The following CLNK variants were observed in gnomAD, a reference collection of about 807,000 sequenced individuals.
The protein encoded by CLNK is cytokine dependent hematopoietic cell linker.
Under a neutral mutation model 68.6 loss-of-function variants are expected in CLNK, and 74 were observed. That is an observed-to-expected ratio of 1.08 (90% CI 0.89 to 1.31). CLNK has a LOEUF of 1.31. Among genes scored for constraint, CLNK ranks in the 50% most tolerant of loss-of-function variants. The pLI is 0.00. For synonymous variants in CLNK, 198 were observed against 172.2 expected, an observed-to-expected ratio of 1.15 and a Z score of -1.17; for missense variants, 553 against 515.3, an observed-to-expected ratio of 1.07 and a Z score of -0.71.
At chr4:10,591,855 G>C (rs1321147774) in intron 3 of CLNK, among the ~76,000 whole-genome samples, 1 of 152,214 alleles carries the variant, frequency 6.6e-6, no homozygotes, top group East Asian at 1.9e-4. Context: ...CTTTCTAGAA[G>C]GCATTCCCTA....
chr4:10,659,559 C>A (rs571771707), intron 2 of CLNK, among the ~76,000 whole-genome samples: 1 of 152,200 alleles, frequency 6.6e-6, no homozygotes, highest in Non-Finnish European at 1.5e-5. Context: ...TTGACTTTAT[C>A]ATCTCCTTTC....
chr4:10,698,395 G>T, the CLNK span, among the ~76,000 whole-genome samples: 4 of 152,204 alleles, frequency 2.6e-5, no homozygotes, highest in Non-Finnish European at 5.9e-5. Context: ...CCATTATTAC[G>T]CCCTTAGTAA....
At chr4:10,723,302 C>T in the CLNK span, among the ~76,000 whole-genome samples, 6 of 152,158 alleles carry the variant, frequency 3.9e-5, no homozygotes, top group African/African-American at 1.4e-4. Context: ...TCTCTTGCCT[C>T]AGTAACACTT....
intron 4 of CLNK, among the ~76,000 whole-genome samples, chr4:10,581,928 A>G (rs1415611825): frequency 6.6e-6 from 1 of 152,176 alleles, no homozygotes; most frequent in Admixed American, 6.5e-5. Context: ...AATGGCCCAG[A>G]ACTACTTGAA....
chr4:10,492,749 G>T (rs751670732), intron 18 of CLNK, among the ~76,000 whole-genome samples: 1 of 152,180 alleles, frequency 6.6e-6, no homozygotes, highest in Admixed American at 6.5e-5. Flanking sequence ...CAGACACCAC[G>T]CTGGGGATAA....
At chr4:10,650,965 G>A (rs745523853) in intron 2 of CLNK, among the ~76,000 whole-genome samples, 3 of 152,072 alleles carry the variant, frequency 2.0e-5, no homozygotes, top group Non-Finnish European at 4.4e-5. Flanking sequence ...ATCATCACTG[G>A]TCCTTAGAGA....
chr4:10,672,363 G>C (rs1724681926), intron 1 of CLNK, among the ~76,000 whole-genome samples: 1 of 152,158 alleles, frequency 6.6e-6, no homozygotes, highest in Admixed American at 6.5e-5. Flanking sequence ...TGGGACAACT[G>C]TTTAACCATT....
At chr4:10,734,409 T>C in the CLNK span, among the ~76,000 whole-genome samples, 1 of 152,242 alleles carries the variant, frequency 6.6e-6, no homozygotes, top group African/African-American at 2.4e-5. Context: ...CCCAGCCGAA[T>C]CTTTCCCTCT....
intron 5 of CLNK, among the ~76,000 whole-genome samples, chr4:10,569,743 A>G (rs893004605): frequency 1.3e-5 from 2 of 152,246 alleles, no homozygotes; most frequent in African/African-American, 4.8e-5. Flanking sequence ...GTGTAAGCAC[A>G]GACATGACTC....
chr4:10,653,433 G>T (rs991049466), intron 2 of CLNK, among the ~76,000 whole-genome samples: 1 of 151,860 alleles, frequency 6.6e-6, no homozygotes, highest in African/African-American at 2.4e-5. Flanking sequence ...TTTTACAACT[G>T]CCATATGATT....
chr4:10,505,758 A>G (rs1012717047), intron 17 of CLNK, among the ~76,000 whole-genome samples: 17 of 152,200 alleles, frequency 1.1e-4, no homozygotes, highest in African/African-American at 3.9e-4. Flanking sequence ...ATAATGATGC[A>G]TGATAACTTC....
intron 8 of CLNK, among the ~76,000 whole-genome samples, chr4:10,556,820 T>G (rs1719689148): frequency 6.6e-6 from 1 of 151,980 alleles, no homozygotes; most frequent in South Asian, 2.1e-4. Context: ...CTCACAGCTG[T>G]TAATCTCAGC....
intron 2 of CLNK, among the ~76,000 whole-genome samples, chr4:10,623,852 C>T (rs1266675514): frequency 6.6e-6 from 1 of 152,212 alleles, no homozygotes. Context: ...CTGTGGAACT[C>T]TGAGTCAGGA....
intron 2 of CLNK, among the ~76,000 whole-genome samples, chr4:10,643,459 G>T (rs1723387441): frequency 6.6e-6 from 1 of 152,256 alleles, no homozygotes; most frequent in African/African-American, 2.4e-5. Context: ...ATGGTTGCCT[G>T]ATAGTGACTG....
chr4:10,547,945 T>C (rs1719301173), intron 8 of CLNK, among the ~76,000 whole-genome samples: 2 of 152,174 alleles, frequency 1.3e-5, no homozygotes, highest in Non-Finnish European at 2.9e-5. Flanking sequence ...AATGCTGCCA[T>C]GAACAGAGTG....
chr4:10,693,936 T>G, the CLNK span, among the ~76,000 whole-genome samples: 4 of 152,050 alleles, frequency 2.6e-5, no homozygotes, highest in Non-Finnish European at 5.9e-5. Flanking sequence ...TGGCCAGAAA[T>G]CCTATGAATA....
At chr4:10,569,188 C>CTT (rs57423330) in intron 5 of CLNK, among the ~76,000 whole-genome samples, 23,308 of 124,118 alleles carry the variant, frequency 0.19, 2,558 homozygotes, top group African/African-American at 0.29. Context: ...CAAGACTGCC[C>CTT]TTTTTTTTTT....
the CLNK span, among the ~76,000 whole-genome samples, chr4:10,712,027 G>A: frequency 6.6e-6 from 1 of 152,196 alleles, no homozygotes; most frequent in Non-Finnish European, 1.5e-5. Context: ...TAGATCACAT[G>A]CAGAAAGTTC....
chr4:10,657,462 T>A (rs1408993904), intron 2 of CLNK, among the ~76,000 whole-genome samples: 1 of 152,230 alleles, frequency 6.6e-6, no homozygotes, highest in African/African-American at 2.4e-5. Context: ...TTCCTTTGTA[T>A]CTAATCAACA....
Sources: gnomAD v4.1 joint callset for allele counts (sites outside exome capture counted in the v4.1 genomes callset) on GRCh38, gnomAD v4.1.1 for gene constraint, MANE v1.5 for transcripts, NCBI Gene and HGNC (gene_info 2026-07-23, HGNC 2026-07-21) for gene names.